NAF1: variants seen among roughly 807,000 people sequenced by gnomAD.
NAF1 encodes nuclear assembly factor 1 ribonucleoprotein.
A neutral mutation model predicts 40.6 loss-of-function variants in NAF1; 11 were observed. That is an observed-to-expected ratio of 0.27 (90% confidence interval 0.17 to 0.45). The LOEUF (loss-of-function observed/expected upper bound fraction) is 0.45, where lower values mean the gene tolerates loss of function less well. Ranked by LOEUF, NAF1 falls within the 20% of genes least tolerant of loss-of-function variation. The pLI, the probability that NAF1 is intolerant of heterozygous loss-of-function variation, is 1.00. For missense variants in NAF1, 607 were observed against 611.1 expected (o/e 0.99, Z 0.07); for synonymous variants, 260 against 228.5 (o/e 1.14, Z -1.24).
At chr4:163,142,249 C>T (rs1731290576) in intron 4 of NAF1, among the ~76,000 whole-genome samples, 1 of 152,178 alleles carries the variant, frequency 6.6e-6, no homozygotes, top group South Asian at 2.1e-4. Context: ...AAACAATTCA[C>T]AAGTTTAATT....
In NAF1 at chr4:163,166,675, C is replaced by G. The variant is rs748172960; in HGVS notation, c.53G>C (p.Gly18Ala). Residue 18 changes from glycine to alanine, a missense_variant, in exon 1 of 8, where the codon GGC becomes GCC. Gly to Ala is a moderately conservative substitution (Grantham distance 60). Around this residue, in one of 3 missense-constraint regions of NAF1, gnomAD observed 407 missense variants for 365.5 expected, o/e 1.11. Coordinates refer to ENST00000274054, the MANE Select transcript of NAF1 (RefSeq NM_138386.3). The part of the protein sequence containing the change: ...AAQLETLKFN[G>A]TDFGVGEGPA... Reference sequence around the variant, plus strand: ...ACCTTCCCCAACTCCAAAGTCGGTGCCATTGAATTTCAGAGTTTCCAGCTG... The same window carrying G: ...ACCTTCCCCAACTCCAAAGTCGGTGGCATTGAATTTCAGAGTTTCCAGCTG... 1 of 1,613,788 alleles carries G rather than the reference C, an allele frequency of 6.2e-7. No homozygotes were observed. The highest frequency in any genetic ancestry group is 8.5e-7 in the Non-Finnish European group (1 of 1,180,002).
At chr4:163,154,945 G>A (rs926249875) in intron 2 of NAF1, among the ~76,000 whole-genome samples, 1 of 151,350 alleles carries the variant, frequency 6.6e-6, no homozygotes, top group African/African-American at 2.4e-5. Flanking sequence ...TAACTCAAAC[G>A]CCAACAGGAA....
At chr4:163,115,184 C>A (rs16999449) in intron 2 of NAF1, among the ~76,000 whole-genome samples, 2 of 145,662 alleles carry the variant, frequency 1.4e-5, no homozygotes, top group South Asian at 4.4e-4. Context: ...ATACTATTGG[C>A]GATATAGGAC....
At chr4:163,111,752 T>A (rs1730166065) in intron 2 of NAF1, among the ~76,000 whole-genome samples, 1 of 152,158 alleles carries the variant, frequency 6.6e-6, no homozygotes, top group Admixed American at 6.5e-5. Flanking sequence ...TAGTGTTTTG[T>A]TCTAGGTAAA....
chr4:163,155,367 A>ATTTTT (rs1490812308), intron 2 of NAF1, among the ~76,000 whole-genome samples: 1 of 152,242 alleles, frequency 6.6e-6, no homozygotes, highest in African/African-American at 2.4e-5. Context: ...AAAGATGGCT[A>ATTTTT]GCACATAGTA....
chr4:163,136,392 G>A (rs1172105392), intron 6 of NAF1: 2 of 148,148 alleles, frequency 1.3e-5, no homozygotes, highest in African/African-American at 5.0e-5. Flanking sequence ...GAACTGCTGA[G>A]CAAGCTTTAA....
intron 2 of NAF1, among the ~76,000 whole-genome samples, chr4:163,158,601 A>T (rs1444285832): frequency 2.0e-5 from 3 of 151,874 alleles, no homozygotes; most frequent in Non-Finnish European, 4.4e-5. Context: ...TTTTAAATGA[A>T]TACATTATTA....
intron 2 of NAF1, among the ~76,000 whole-genome samples, chr4:163,153,388 T>C (rs4521304): frequency 0.05 from 7,636 of 152,258 alleles, 245 homozygotes; most frequent in African/African-American, 0.072. Flanking sequence ...GCACCCTGTG[T>C]TTAGCTCAAG....
chr4:163,115,199 A>ATTTTTTTTTTTTTTTTTTTTTTTT (rs201172406), intron 2 of NAF1, among the ~76,000 whole-genome samples: 1 of 103,708 alleles, frequency 9.6e-6, no homozygotes, highest in Non-Finnish European at 1.8e-5. Context: ...TAGGACAATA[A>ATTTTTTTTTTTTTTTTTTTTTTTT]TTTTTTTATT....
chr4:163,135,382 C>G (rs923755357), intron 6 of NAF1: 1 of 152,186 alleles, frequency 6.6e-6, no homozygotes, highest in Non-Finnish European at 1.5e-5. Flanking sequence ...ACACCATGAA[C>G]TAGGTGAGAT....
intron 2 of NAF1, among the ~76,000 whole-genome samples, chr4:163,160,690 A>T (rs1262783853): frequency 6.6e-6 from 1 of 152,166 alleles, no homozygotes; most frequent in Non-Finnish European, 1.5e-5. Flanking sequence ...TGGACATAAA[A>T]TTGGGTTAAA....
chr4:163,147,121 C>T (rs922812107), intron 3 of NAF1, among the ~76,000 whole-genome samples: 1 of 151,728 alleles, frequency 6.6e-6, no homozygotes, highest in Non-Finnish European at 1.5e-5. Context: ...TCCAGAATCA[C>T]GGAAAGAATT....
At chr4:163,163,970 C>G (rs1021813705) in intron 2 of NAF1, among the ~76,000 whole-genome samples, 2 of 151,628 alleles carry the variant, frequency 1.3e-5, no homozygotes, top group African/African-American at 4.8e-5. Context: ...ATGTAAAGTT[C>G]AAAGCTGAAG....
chr4:163,104,862 C>T, the NAF1 span, among the ~76,000 whole-genome samples: 3 of 152,172 alleles, frequency 2.0e-5, no homozygotes, highest in Non-Finnish European at 4.4e-5. Flanking sequence ...ATTATTTGTG[C>T]ATAAGAGAAA....
chr4:163,130,662 G>A (rs1056644792), intron 7 of NAF1, among the ~76,000 whole-genome samples: 1 of 152,178 alleles, frequency 6.6e-6, no homozygotes, highest in Non-Finnish European at 1.5e-5. Flanking sequence ...GATATTTAAC[G>A]AAGGAGCAAA....
Position 163,166,840 on chromosome 4 carries a change from C to G in NAF1, c.-113G>C. 7.1e-7 allele frequency: 1 copy of G among 1,405,160 alleles called. No individual in the cohort carries two copies. The highest frequency in any genetic ancestry group is 9.5e-7 in the Non-Finnish European group (1 of 1,054,590). 87.0% of individuals were successfully genotyped at this position (1,405,160 alleles called of 1,614,324 possible). A position where few individuals can be genotyped will look rare whatever the true frequency, so the allele number is the denominator to read the frequency against. ...GCAACCGCAGCAACACTGCCTGGGCCCAACTTCCCGCGTTTCTCAGGTAAC... is the reference window on the plus strand; with the variant it reads ...GCAACCGCAGCAACACTGCCTGGGCGCAACTTCCCGCGTTTCTCAGGTAAC... On this transcript the variant is annotated 5_prime_UTR_variant, in exon 1 of 8. Transcript: ENST00000274054.
intron 2 of NAF1, among the ~76,000 whole-genome samples, chr4:163,162,895 T>G (rs1224967801): frequency 1.3e-5 from 2 of 152,170 alleles, no homozygotes; most frequent in African/African-American, 2.4e-5. Flanking sequence ...CACAAATCCT[T>G]TTTGATCTTC....
chr4:163,105,563 T>C (rs1169497760), downstream of NAF1, among the ~76,000 whole-genome samples: 1 of 152,226 alleles, frequency 6.6e-6, no homozygotes, highest in Admixed American at 6.5e-5. Flanking sequence ...CTCTAAACTT[T>C]AGAAGACAGT....
At chr4:163,112,845 G>A (rs975279108) in intron 2 of NAF1, among the ~76,000 whole-genome samples, 5 of 152,214 alleles carry the variant, frequency 3.3e-5, no homozygotes, top group African/African-American at 1.2e-4. Context: ...AGGTTGTAGA[G>A]GAGAGTTATG....
Sources: gnomAD v4.1 joint callset for allele counts (sites outside exome capture counted in the v4.1 genomes callset) on GRCh38, gnomAD v4.1.1 for gene constraint, gnomAD v4.1.1 regional missense constraint, MANE v1.5 for transcripts, NCBI Gene and HGNC (gene_info 2026-07-23, HGNC 2026-07-21) for gene names.